Variants in FHIT observed in about 807,000 individuals in gnomAD.
The protein encoded by FHIT is fragile histidine triad diadenosine triphosphatase.
FHIT carries 19 observed loss-of-function variants against 17.9 expected under a neutral mutation model. The observed-to-expected ratio is 1.06, with a 90% confidence interval of 0.74 to 1.56. FHIT has a LOEUF of 1.56. FHIT is among the 40% of genes most tolerant of loss of function. FHIT has a pLI of 0.00. For missense variants in FHIT, 248 were observed against 189.2 expected (o/e 1.31, Z -1.82); for synonymous variants, 81 against 69.7 (o/e 1.16, Z -0.81).
At chr3:60,364,703 G>A (rs890282000) in intron 5 of FHIT, among the ~76,000 whole-genome samples, 2 of 152,202 alleles carry the variant, frequency 1.3e-5, no homozygotes, top group Non-Finnish European at 2.9e-5. Flanking sequence ...GTGTGTATCA[G>A]TGAGGGTGTT....
intron 4 of FHIT, among the ~76,000 whole-genome samples, chr3:60,774,140 A>G (rs1006753864): frequency 2.0e-5 from 3 of 152,198 alleles, no homozygotes; most frequent in Non-Finnish European, 4.4e-5. Context: ...TCCATTTGAT[A>G]CTTAACAGAC....
chr3:60,616,199 C>T (rs1159110416), intron 4 of FHIT, among the ~76,000 whole-genome samples: 1 of 152,128 alleles, frequency 6.6e-6, no homozygotes, highest in Non-Finnish European at 1.5e-5. Flanking sequence ...TCCACAAGAC[C>T]TATTTACACA....
chr3:60,899,675 T>C (rs1377996555), intron 3 of FHIT, among the ~76,000 whole-genome samples: 1 of 152,106 alleles, frequency 6.6e-6, no homozygotes, highest in African/African-American at 2.4e-5. Flanking sequence ...CAACAGTCAC[T>C]CAATAATATG....
chr3:60,583,919 A>G (rs2037825163), intron 4 of FHIT, among the ~76,000 whole-genome samples: 1 of 152,128 alleles, frequency 6.6e-6, no homozygotes, highest in Non-Finnish European at 1.5e-5. Flanking sequence ...GTTAAATCAC[A>G]TCAGCACTCT....
chr3:60,729,690 G>A (rs188484358), intron 4 of FHIT, among the ~76,000 whole-genome samples: 417 of 152,038 alleles, frequency 2.7e-3, no homozygotes, highest in Middle Eastern at 3.4e-3. Flanking sequence ...AGTACTATCA[G>A]GCTTTGTGCT....
At chr3:60,364,824 A>C (rs1700043970) in intron 5 of FHIT, among the ~76,000 whole-genome samples, 1 of 152,166 alleles carries the variant, frequency 6.6e-6, no homozygotes. Context: ...AAAAAGGTAG[A>C]GGAAGGGAAA....
intron 4 of FHIT, among the ~76,000 whole-genome samples, chr3:60,564,191 G>A (rs375630529): frequency 2.2e-4 from 34 of 152,214 alleles, no homozygotes; most frequent in African/African-American, 5.1e-4. Context: ...CAACAAAGCC[G>A]GGATGACAGC....
At chr3:61,186,761 T>C (rs1170099400) in intron 2 of FHIT, among the ~76,000 whole-genome samples, 2 of 152,178 alleles carry the variant, frequency 1.3e-5, no homozygotes, top group African/African-American at 2.4e-5. Flanking sequence ...TTGTCACTGT[T>C]TCTTTTGTAT....
chr3:60,492,651 C>T (rs187011129), intron 5 of FHIT, among the ~76,000 whole-genome samples: 23 of 151,864 alleles, frequency 1.5e-4, no homozygotes, highest in African/African-American at 4.1e-4. Flanking sequence ...AGATTACAGG[C>T]GCCCACCATC....
intron 4 of FHIT, among the ~76,000 whole-genome samples, chr3:60,713,536 C>T (rs1397506414): frequency 2.0e-5 from 3 of 149,982 alleles, no homozygotes; most frequent in Admixed American, 1.3e-4. Flanking sequence ...GCTAGCAAGA[C>T]TAATAAAGAA....
At chr3:60,597,102 T>C (rs1441616130) in intron 4 of FHIT, among the ~76,000 whole-genome samples, 1 of 152,138 alleles carries the variant, frequency 6.6e-6, no homozygotes, top group African/African-American at 2.4e-5. Flanking sequence ...AATTAAAGTA[T>C]GCCTATTTAT....
intron 7 of FHIT, among the ~76,000 whole-genome samples, chr3:59,996,987 C>G (rs1028508808): frequency 6.6e-6 from 1 of 152,156 alleles, no homozygotes; most frequent in Non-Finnish European, 1.5e-5. Flanking sequence ...CTGCAAACTT[C>G]ATCTGCAATA....
intron 3 of FHIT, among the ~76,000 whole-genome samples, chr3:60,949,858 A>G (rs1050005638): frequency 6.6e-5 from 10 of 152,246 alleles, no homozygotes; most frequent in Non-Finnish European, 2.9e-5. Context: ...TGCATCATTT[A>G]TAATAGTAAA....
intron 8 of FHIT, among the ~76,000 whole-genome samples, chr3:59,780,326 T>G (rs1702522093): frequency 6.6e-6 from 1 of 152,202 alleles, no homozygotes; most frequent in South Asian, 2.1e-4. Context: ...GCTTTGTTCT[T>G]GTTACAGATG....
chr3:60,198,455 G>A (rs765325542), intron 5 of FHIT, among the ~76,000 whole-genome samples: 37 of 152,246 alleles, frequency 2.4e-4, no homozygotes, highest in Middle Eastern at 3.4e-3. Context: ...ATGACTTCAG[G>A]AGGCTGATTA....
chr3:60,358,837 G>C (rs1031478125), intron 5 of FHIT, among the ~76,000 whole-genome samples: 1 of 152,148 alleles, frequency 6.6e-6, no homozygotes, highest in South Asian at 2.1e-4. Flanking sequence ...TCTCCTTTCT[G>C]ACTGTCTTCA....
intron 5 of FHIT, among the ~76,000 whole-genome samples, chr3:60,409,850 G>A (rs1205845806): frequency 6.6e-6 from 1 of 152,060 alleles, no homozygotes; most frequent in Non-Finnish European, 1.5e-5. Flanking sequence ...TTTCTCCTGG[G>A]TGTATCTTTG....
chr3:60,881,949 A>C (rs1249794949), intron 3 of FHIT, among the ~76,000 whole-genome samples: 1 of 152,120 alleles, frequency 6.6e-6, no homozygotes, highest in African/African-American at 2.4e-5. Flanking sequence ...ACAAAAGATC[A>C]ATTTTTAAAA....
intron 5 of FHIT, among the ~76,000 whole-genome samples, chr3:60,095,065 A>G (rs1465040694): frequency 6.6e-6 from 1 of 152,174 alleles, no homozygotes; most frequent in African/African-American, 2.4e-5. Context: ...GAATGCTCAC[A>G]ACACCAAATG....
Sources: allele counts gnomAD v4.1 joint callset (sites outside exome capture counted in the v4.1 genomes callset), GRCh38; gene constraint gnomAD v4.1.1; transcripts MANE v1.5; gene names NCBI Gene and HGNC (gene_info 2026-07-23, HGNC 2026-07-21).